Variants in MEF2C observed in about 807,000 individuals in gnomAD.
The protein encoded by MEF2C is myocyte-specific enhancer factor 2C.
Under a neutral mutation model 50.5 loss-of-function variants are expected in MEF2C, and 6 were observed. The ratio of observed to expected loss-of-function variants is 0.12; its 90% CI spans 0.07 to 0.23. MEF2C has a LOEUF of 0.23. MEF2C is among the 10% of genes least tolerant of loss of function. MEF2C has a pLI of 1.00. For missense variants in MEF2C, 276 were observed against 605.0 expected (o/e 0.46, Z 5.70); for synonymous variants, 183 against 228.0 (o/e 0.80, Z 1.78).
intron 1 of MEF2C, among the ~76,000 whole-genome samples, chr5:88,869,252 C>CAT (rs369495366): frequency 0.015 from 1,308 of 89,860 alleles, 22 homozygotes; most frequent in South Asian, 0.041. Flanking sequence ...AACTAGTTTT[C>CAT]ATATATATAT....
chr5:88,751,619 C>G (rs1158634138), intron 5 of MEF2C: 2 of 827,408 alleles, frequency 2.4e-6, no homozygotes, highest in East Asian at 1.2e-4. Flanking sequence ...AATATAGCCA[C>G]AGGAGGAGAT....
chr5:88,756,654 G>C (rs1320768106), intron 4 of MEF2C, among the ~76,000 whole-genome samples: 1 of 152,152 alleles, frequency 6.6e-6, no homozygotes, highest in Non-Finnish European at 1.5e-5. Context: ...TCTATGAAGA[G>C]ATGAAGCTGC....
chr5:88,891,472 G>T (rs1014220170), intron 1 of MEF2C, among the ~76,000 whole-genome samples: 1 of 142,118 alleles, frequency 7.0e-6, no homozygotes, highest in Non-Finnish European at 1.5e-5. Context: ...ATCTTGGCTC[G>T]GCTCACTGAA....
chr5:88,825,417 C>T, intron 1 of MEF2C: 1 of 895,856 alleles, frequency 1.1e-6, no homozygotes, highest in African/African-American at 1.8e-5. Context: ...AGTTCTGCCT[C>T]TCATAATATG....
intron 6 of MEF2C, chr5:88,743,185 CT>C: frequency 2.1e-6 from 2 of 948,786 alleles, no homozygotes; most frequent in Non-Finnish European, 2.5e-6. Context: ...AATTAGTTTT[CT>C]TATTTGAGGG....
chr5:88,784,809 G>T (rs1212961637), intron 3 of MEF2C, among the ~76,000 whole-genome samples: 5 of 152,144 alleles, frequency 3.3e-5, no homozygotes, highest in Admixed American at 6.6e-5. Context: ...GTTGAAAATG[G>T]TTTCGCAGGG....
chr5:88,881,193 C>G (rs1488383661), intron 1 of MEF2C: 1 of 152,058 alleles, frequency 6.6e-6, no homozygotes, highest in Non-Finnish European at 1.5e-5. Context: ...TTGATGAAAA[C>G]TTTTAGAATT....
intron 3 of MEF2C, among the ~76,000 whole-genome samples, chr5:88,790,343 T>A (rs1176058718): frequency 6.6e-6 from 1 of 152,200 alleles, no homozygotes; most frequent in Non-Finnish European, 1.5e-5. Flanking sequence ...GAAATCTAGA[T>A]CCTTTCTACT....
intron 1 of MEF2C, chr5:88,843,632 T>C (rs888955497): frequency 4.9e-6 from 1 of 203,382 alleles, no homozygotes; most frequent in African/African-American, 2.4e-5. Flanking sequence ...TTAAAATTTT[T>C]ATTAGCTATG....
chr5:88,739,418 G>A, intron 6 of MEF2C: 3 of 958,650 alleles, frequency 3.1e-6, no homozygotes, highest in Non-Finnish European at 3.7e-6. Flanking sequence ...ACATAATAAT[G>A]CTCACTATCA....
chr5:88,769,065 A>C (rs1561920155), intron 3 of MEF2C, among the ~76,000 whole-genome samples: 1 of 152,232 alleles, frequency 6.6e-6, no homozygotes, highest in East Asian at 1.9e-4. Context: ...AAGAGGGCAC[A>C]GAATTTTCAG....
chr5:88,777,433 G>A (rs1342265099), intron 3 of MEF2C, among the ~76,000 whole-genome samples: 1 of 152,072 alleles, frequency 6.6e-6, no homozygotes, highest in Non-Finnish European at 1.5e-5. Flanking sequence ...GCACACAGTG[G>A]CCCAAGAACT....
intron 6 of MEF2C, chr5:88,735,272 G>A (rs940148159): frequency 2.0e-6 from 2 of 985,358 alleles, no homozygotes; most frequent in Non-Finnish European, 2.4e-6. Flanking sequence ...GAGAATGGTC[G>A]CATTTAAATT....
intron 1 of MEF2C, among the ~76,000 whole-genome samples, chr5:88,875,636 T>C (rs570420617): frequency 6.6e-6 from 1 of 152,148 alleles, no homozygotes; most frequent in South Asian, 2.1e-4. Context: ...GGAAACATAC[T>C]GAATCCACTT....
chr5:88,752,322 A>G (rs1389855356), intron 4 of MEF2C, among the ~76,000 whole-genome samples: 3 of 152,194 alleles, frequency 2.0e-5, no homozygotes, highest in African/African-American at 7.2e-5. Context: ...CCATTCTATT[A>G]AGTAGTAATT....
intron 3 of MEF2C, among the ~76,000 whole-genome samples, chr5:88,800,003 G>A (rs1262086569): frequency 1.3e-5 from 2 of 152,146 alleles, no homozygotes; most frequent in East Asian, 3.9e-4. Flanking sequence ...TCTTCTGCAG[G>A]AGTTACATCC....
chr5:88,805,990 A>G (rs947093205), intron 2 of MEF2C, among the ~76,000 whole-genome samples: 1 of 151,500 alleles, frequency 6.6e-6, no homozygotes, highest in Admixed American at 6.6e-5. Context: ...CAGTGGCCTA[A>G]TATGTTTGGA....
intron 1 of MEF2C, among the ~76,000 whole-genome samples, chr5:88,873,843 A>G (rs916436677): frequency 7.3e-5 from 11 of 151,606 alleles, no homozygotes; most frequent in Admixed American, 1.3e-4. Context: ...TGAACTTCCA[A>G]TAAATACTAG....
chr5:88,744,157 C>G, intron 6 of MEF2C: 1 of 984,510 alleles, frequency 1.0e-6, no homozygotes, highest in Non-Finnish European at 1.2e-6. Flanking sequence ...TAATCCAACA[C>G]AAGGCATTGC....
Sources: allele counts gnomAD v4.1 joint callset (sites outside exome capture counted in the v4.1 genomes callset), GRCh38; gene constraint gnomAD v4.1.1; transcripts MANE v1.5; gene names NCBI Gene and HGNC (gene_info 2026-07-23, HGNC 2026-07-21).